Variants in THEMIS observed in about 807,000 individuals in gnomAD.
The protein encoded by THEMIS is protein THEMIS.
A neutral mutation model predicts 52.6 loss-of-function variants in THEMIS; 37 were observed. That is an observed-to-expected ratio of 0.70 (90% CI 0.54 to 0.93). THEMIS has a LOEUF of 0.93. Among genes scored for constraint, THEMIS ranks in the 40% least tolerant of loss-of-function variants. The pLI is 0.00. For missense variants in THEMIS, 808 were observed against 763.1 expected (o/e 1.06, Z -0.69); for synonymous variants, 292 against 272.7 (o/e 1.07, Z -0.70).
chr6:127,733,867 C>T (rs766478000), intron 4 of THEMIS, among the ~76,000 whole-genome samples: 26 of 151,496 alleles, frequency 1.7e-4, no homozygotes, highest in East Asian at 5.8e-4. Flanking sequence ...AGAAAAGAAA[C>T]GGATAAATAA....
At chr6:127,751,994 G>A (rs992979699) in intron 4 of THEMIS, among the ~76,000 whole-genome samples, 99 of 151,738 alleles carry the variant, frequency 6.5e-4, no homozygotes, top group African/African-American at 2.1e-3. Flanking sequence ...ATCATATCAG[G>A]TATCTTCTTT....
At chr6:127,826,491 A>C (rs1397542122) in intron 3 of THEMIS, among the ~76,000 whole-genome samples, 1 of 152,162 alleles carries the variant, frequency 6.6e-6, no homozygotes, top group Non-Finnish European at 1.5e-5. Context: ...ATCTGGGCTA[A>C]AACCATACCT....
At chr6:127,813,985 G>A (rs1371754450) in intron 3 of THEMIS, 54 bp from the exon 4 acceptor site, 8 of 1,397,442 alleles carry the variant, frequency 5.7e-6, no homozygotes, top group Non-Finnish European at 7.7e-6. Context: ...AACGTTTGCT[G>A]TGAGATACTC....
chr6:127,865,338 G>T (rs270044), intron 1 of THEMIS, among the ~76,000 whole-genome samples: 1 of 151,976 alleles, frequency 6.6e-6, no homozygotes, highest in East Asian at 1.9e-4. Context: ...GGGTTTATAA[G>T]GTATCTCTAA....
At position 127,819,118 on chromosome 6, in the gene THEMIS, T is replaced by TAAAAAA. The variant is rs142123167; in HGVS notation, c.710-5193_710-5188dup. Among the ~76,000 whole-genome samples the TAAAAAA allele has an allele frequency of 3.7e-3, 72 of 19,490 alleles. 1 individual carries two copies. Among genetic ancestry groups the TAAAAAA allele is most frequent in the African/African-American group, 4.8e-3 (24 of 5,010 alleles). 12.8% of individuals were successfully genotyped at this position (19,490 alleles called of 152,430 possible). A position where few individuals can be genotyped will look rare whatever the true frequency, so the allele number is the denominator to read the frequency against. On this transcript the variant is annotated intron_variant, in intron 3 of 5. Transcript: ENST00000368248. The stretch of plus-strand genomic sequence containing the variant: ...CTGGGTGAAAGAGTGAGACTCTGTC[T>TAAAAAA]AAAAAAAAAAAAAAAAAAAAAAAAA...
At chr6:127,891,404 C>CG (rs1780801023) in intron 1 of THEMIS, among the ~76,000 whole-genome samples, 2 of 151,668 alleles carry the variant, frequency 1.3e-5, no homozygotes, top group Non-Finnish European at 1.5e-5. Flanking sequence ...GGCCTGGTGG[C>CG]GGGCACCTGT....
chr6:127,847,660 G>C (rs1390254314), intron 2 of THEMIS, among the ~76,000 whole-genome samples: 1 of 151,784 alleles, frequency 6.6e-6, no homozygotes. Context: ...CAAACAAATG[G>C]AAACACATCC....
upstream of THEMIS, among the ~76,000 whole-genome samples, chr6:127,905,858 C>T (rs62426474): frequency 0.037 from 5,580 of 150,556 alleles, 235 homozygotes; most frequent in African/African-American, 0.1. Flanking sequence ...CCAAAAAAGA[C>T]GAGAAAGAAA....
chr6:127,881,821 A>G (rs1331574393), intron 1 of THEMIS, among the ~76,000 whole-genome samples: 2 of 151,928 alleles, frequency 1.3e-5, no homozygotes, highest in African/African-American at 4.8e-5. Context: ...ATATACAAAA[A>G]TGCACTAAAC....
chr6:127,715,696 G>GT (rs1441305573), intron 5 of THEMIS, among the ~76,000 whole-genome samples: 1 of 151,776 alleles, frequency 6.6e-6, no homozygotes, highest in East Asian at 1.9e-4. Flanking sequence ...CAGGGAGTTT[G>GT]TTTTTTTCTG....
intron 4 of THEMIS, among the ~76,000 whole-genome samples, chr6:127,732,407 A>T (rs989974339): frequency 2.0e-5 from 3 of 152,160 alleles, no homozygotes; most frequent in African/African-American, 4.8e-5. Flanking sequence ...TTACAATAGT[A>T]TATAATACTT....
intron 2 of THEMIS, among the ~76,000 whole-genome samples, chr6:127,835,463 T>A (rs916838088): frequency 9.2e-5 from 14 of 152,198 alleles, no homozygotes; most frequent in African/African-American, 3.4e-4. Flanking sequence ...ATCTACCACA[T>A]AAAGTCATTG....
At chr6:127,700,636 A>T in the THEMIS span, among the ~76,000 whole-genome samples, 1 of 152,040 alleles carries the variant, frequency 6.6e-6, no homozygotes, top group East Asian at 1.9e-4. Context: ...TATTTATGAG[A>T]TCATCCCAAT....
At chr6:127,799,525 CTT>C (rs1323686908) in intron 4 of THEMIS, among the ~76,000 whole-genome samples, 1 of 134,670 alleles carries the variant, frequency 7.4e-6, no homozygotes, top group African/African-American at 2.7e-5. Flanking sequence ...TTCTTTCTTT[CTT>C]TCTCTTTCTT....
intron 4 of THEMIS, among the ~76,000 whole-genome samples, chr6:127,725,013 C>A (rs1028917185): frequency 2.6e-5 from 4 of 152,052 alleles, no homozygotes; most frequent in Middle Eastern, 3.4e-3. Flanking sequence ...CTTTAGAGAG[C>A]TACAAAGGAC....
chr6:127,761,237 A>G (rs139098999), intron 4 of THEMIS, among the ~76,000 whole-genome samples: 11 of 152,276 alleles, frequency 7.2e-5, no homozygotes, highest in African/African-American at 2.6e-4. Context: ...AAAAGGGAAC[A>G]TTGGCACACT....
rs2114607162 is a variant in THEMIS at position 127,813,354 on chromosome 6, G to A, written c.1287C>T (p.Tyr429=). Residue 429 remains tyrosine, a synonymous_variant, in exon 4 of 6, where the codon TAC becomes TAT. Coordinates refer to ENST00000368248, the MANE Select transcript of THEMIS (RefSeq NM_001010923.3). ...TCACCTCTACAAAACCTCCTTCCAT[G>A]TACAAAGGGAGCAGCGCAGCCTCAT... ...KSYEAALLPL[Y]MEGGFVEVIH... 6.2e-7 allele frequency: 1 copy of A among 1,614,074 alleles called. No individual in the cohort carries two copies. The highest frequency in any genetic ancestry group is 8.5e-7 in the Non-Finnish European group (1 of 1,180,010).
At chr6:127,701,676 G>C in the THEMIS span, among the ~76,000 whole-genome samples, 7 of 152,028 alleles carry the variant, frequency 4.6e-5, no homozygotes, top group Non-Finnish European at 8.8e-5. Flanking sequence ...GAGAGTTCTG[G>C]CTGCTCCATA....
chr6:127,780,793 G>T (rs1180066907), intron 4 of THEMIS, among the ~76,000 whole-genome samples: 3 of 152,128 alleles, frequency 2.0e-5, no homozygotes, highest in Non-Finnish European at 4.4e-5. Context: ...TTCTCTTTGT[G>T]GGTAACCCAA....
Sources: allele counts gnomAD v4.1 joint callset (sites outside exome capture counted in the v4.1 genomes callset), GRCh38; gene constraint gnomAD v4.1.1; transcripts MANE v1.5; gene names NCBI Gene and HGNC (gene_info 2026-07-23, HGNC 2026-07-21).